Variants in FGF19 observed in about 807,000 individuals in gnomAD.
FGF19 encodes the protein FGF-19.
Under a neutral mutation model 8.9 loss-of-function variants are expected in FGF19, and 5 were observed. The ratio of observed to expected loss-of-function variants is 0.56; its 90% confidence interval spans 0.29 to 1.18. The LOEUF is 1.18. Ranked by LOEUF, FGF19 falls within the 50% of genes most tolerant of loss-of-function variation. The pLI is 0.08. For synonymous variants in FGF19, 124 were observed against 128.0 expected (o/e 0.97, Z 0.21); for missense variants, 237 against 293.9 (o/e 0.81, Z 1.42).
Position 69,703,279 on chromosome 11 carries a change from G to A in FGF19, c.318C>T (p.Asp106=). 6.2e-7 allele frequency: 1 copy of A among 1,604,134 alleles called. No individual in the cohort carries two copies. The highest frequency in any genetic ancestry group is 8.5e-7 in the Non-Finnish European group (1 of 1,175,810). Residue 106 remains aspartate, a synonymous_variant, in exon 2 of 3, where the codon GAC becomes GAT. Transcript: ENST00000294312. The surrounding 1 kb of genome is among the most constrained non-coding windows in gnomAD (Gnocchi z 6.8). The stretch of plus-strand genomic sequence containing the variant: ...CACTTACCAGCCCCTGCATCTTGCC[G>A]TCGGCGCCCATGCAGAGGTACCGCA... The part of the protein sequence containing the change: ...HSVRYLCMGA[D]GKMQGLLQYS...
chr11:69,701,350 C>T (rs1190714324), intron 2 of FGF19, among the ~76,000 whole-genome samples: 2 of 152,128 alleles, frequency 1.3e-5, no homozygotes, highest in Non-Finnish European at 2.9e-5. Context: ...GCCTGTAATC[C>T]CAGCACTTTG....
intron 2 of FGF19, among the ~76,000 whole-genome samples, chr11:69,701,288 T>C (rs1239103782): frequency 1.3e-5 from 2 of 152,230 alleles, no homozygotes; most frequent in Non-Finnish European, 2.9e-5. Flanking sequence ...TTCAAGTTTC[T>C]AGAAGAATGT....
Position 69,699,296 on chromosome 11 carries a change from A to AG in FGF19, c.616dup (p.Leu206ProfsTer10), listed in dbSNP as rs1463995127. 14 of 1,613,850 alleles carry AG rather than the reference A, an allele frequency of 8.7e-6. No individual in the cohort carries two copies. Among genetic ancestry groups the AG allele is most frequent in the Non-Finnish European group, 1.1e-5 (13 of 1,179,794 alleles). Reference sequence around the variant, plus strand: ...AAAGCTGGGACTCCTCACGGCCTCCAGTCCGGTGACAAGCCCAAATGGGTC... The same window carrying AG: ...AAAGCTGGGACTCCTCACGGCCTCCAGGTCCGGTGACAAGCCCAAATGGGTC... On this transcript the variant is annotated frameshift_variant, in exon 3 of 3. Transcript: ENST00000294312. LOFTEE classifies it high-confidence loss of function.
Position 69,703,552 on chromosome 11 carries a change from G to A in FGF19, c.232+93C>T. ...GTTGAGGGGTCCGCAGGAGCCTAAGGGTGGCAAAGGAAGGAAGGGCGCTGG... is the reference window on the plus strand; with the variant it reads ...GTTGAGGGGTCCGCAGGAGCCTAAGAGTGGCAAAGGAAGGAAGGGCGCTGG... On this transcript the variant is annotated intron_variant, in intron 1 of 2. Transcript: ENST00000294312. The surrounding 1 kb of genome is among the most constrained non-coding windows in gnomAD (Gnocchi z 6.8). 1 of 786,430 alleles carries A rather than the reference G, an allele frequency of 1.3e-6. No homozygotes were observed. Among genetic ancestry groups the A allele is most frequent in the Non-Finnish European group, 1.7e-6 (1 of 572,274 alleles). The allele number at this position is 786,430 out of a possible 1,614,324, so 48.7% of individuals were successfully genotyped here.
chr11:69,700,266 T>C (rs1014888235), intron 2 of FGF19, among the ~76,000 whole-genome samples: 2 of 152,088 alleles, frequency 1.3e-5, no homozygotes, highest in African/African-American at 2.4e-5. Context: ...TATATAGATA[T>C]ACATGCACAC....
rs748111834 is a variant in FGF19 at position 69,698,837 on chromosome 11, TCA to T, written c.*423_*424del. The T allele has an allele frequency of 3.3e-5, 8 of 240,970 alleles. No homozygotes were observed. The highest frequency in any genetic ancestry group is 4.9e-5 in the Non-Finnish European group (6 of 121,520). 14.9% of individuals were successfully genotyped at this position (240,970 alleles called of 1,614,324 possible). On this transcript the variant is annotated 3_prime_UTR_variant, in exon 3 of 3. Coordinates refer to ENST00000294312, the MANE Select transcript of FGF19 (RefSeq NM_005117.3). ...TTTACCTGCTGTTTTACAGAGTGGA[TCA>T]CCTGTTCCTGAAATTAAAACTACTG...
rs1387338024 is a variant in FGF19 at position 69,702,746 on chromosome 11, T to TAA, written c.336+513_336+514dup. ...CTCCTGGTAGATTAAAAATTAATTC[T>TAA]AAAAAAAAAATCTCTCCTATCCCAA... On this transcript the variant is annotated intron_variant, in intron 2 of 2. Transcript: ENST00000294312. The surrounding 1 kb of genome is among the most constrained non-coding windows in gnomAD (Gnocchi z 4.6). 6.6e-6 allele frequency among the ~76,000 whole-genome samples: 1 copy of TAA among 150,548 alleles called. No homozygotes were observed. Among genetic ancestry groups the TAA allele is most frequent in the Non-Finnish European group, 1.5e-5 (1 of 67,494 alleles).
rs1662580591 is a variant in FGF19 at position 69,699,346 on chromosome 11, A to G, written c.567T>C (p.Ser189=). The part of the protein sequence containing the change: ...LRGHLESDMF[S]SPLETDSMDP... Reference sequence around the variant, plus strand: ...CCATGCTGTCGGTCTCCAGGGGCGAAGAGAACATGTCAGATTCCAAGTGGC... The same window carrying G: ...CCATGCTGTCGGTCTCCAGGGGCGAGGAGAACATGTCAGATTCCAAGTGGC... The change falls in exon 3 of 3, where the codon TCT becomes TCC. Residue 189 remains serine, a synonymous_variant. Coordinates refer to ENST00000294312, the MANE Select transcript of FGF19 (RefSeq NM_005117.3). 2 of 1,614,030 alleles carry G rather than the reference A, an allele frequency of 1.2e-6. No homozygotes were observed. The highest frequency in any genetic ancestry group is 1.3e-5 in the African/African-American group (1 of 74,916).
rs138132534 is a variant in FGF19 at position 69,699,288 on chromosome 11, C to T, written c.625G>A (p.Val209Met). The stretch of plus-strand genomic sequence containing the variant: ...TACTTCTCAAAGCTGGGACTCCTCA[C>T]GGCCTCCAGTCCGGTGACAAGCCCA... ...PFGLVTGLEA[V>M]RSPSFEK Residue 209 changes from valine (V) to methionine (M), a missense_variant, in exon 3 of 3, where the codon GTG becomes ATG. Transcript: ENST00000294312. 4.5e-5 allele frequency: 72 copies of T among 1,612,700 alleles called. No individual in the cohort carries two copies. Among genetic ancestry groups the T allele is most frequent in the African/African-American group, 3.9e-4 (29 of 74,858 alleles).
Position 69,703,168 on chromosome 11 carries a change from A to T in FGF19, c.336+93T>A. ...GGCGGAGGAGGCGAGGAAACCCTGG[A>T]TTCGAACCAGCGCCTTTCTCTCCTT... On this transcript the variant is annotated intron_variant, in intron 2 of 2. Coordinates refer to ENST00000294312, the MANE Select transcript of FGF19 (RefSeq NM_005117.3). The surrounding 1 kb of genome is among the most constrained non-coding windows in gnomAD (Gnocchi z 6.8). The T allele has an allele frequency of 3.6e-6, 3 of 835,200 alleles. No individual in the cohort carries two copies. Among genetic ancestry groups the T allele is most frequent in the East Asian group, 5.6e-5 (2 of 35,656 alleles). The allele number at this position is 835,200 out of a possible 1,614,324, so 51.7% of individuals were successfully genotyped here. A position where few individuals can be genotyped will look rare whatever the true frequency, so the allele number is the denominator to read the frequency against.
intron 2 of FGF19, among the ~76,000 whole-genome samples, chr11:69,701,863 G>C (rs1314463743): frequency 4.7e-5 from 7 of 150,074 alleles, no homozygotes; most frequent in Admixed American, 3.3e-4. Context: ...AGCTCCATGG[G>C]AGGCTGAGGT....
chr11:69,703,201 C>G lies in FGF19; in HGVS notation c.336+60G>C, dbSNP rs1854795760. On this transcript the variant is annotated intron_variant, in intron 2 of 2. Transcript: ENST00000294312. The surrounding 1 kb of genome is among the most constrained non-coding windows in gnomAD (Gnocchi z 6.8). Reference sequence around the variant, plus strand: ...CAGCGCCTTTCTCTCCTTCAGGCCTCCGCCCGGGGACAGGCGCCGGTCCCC... The same window carrying G: ...CAGCGCCTTTCTCTCCTTCAGGCCTGCGCCCGGGGACAGGCGCCGGTCCCC... The G allele has an allele frequency of 5.2e-5, 65 of 1,252,690 alleles. 2 individuals carry two copies. The South Asian group carries it at 8.7e-4, about 17-fold the overall frequency. 77.6% of individuals were successfully genotyped at this position (1,252,690 alleles called of 1,614,324 possible).
In FGF19 at chr11:69,699,065, A is replaced by C. The variant is rs1412578081; in HGVS notation, c.*197T>G. The C allele has an allele frequency of 1.7e-6, 1 of 577,026 alleles. No individual in the cohort carries two copies. The highest frequency in any genetic ancestry group is 3.1e-6 in the Non-Finnish European group (1 of 326,696). The allele number at this position is 577,026 out of a possible 1,614,324, so 35.7% of individuals were successfully genotyped here. ...GCAGCTGGGCAAGCTACAGGCTTAC[A>C]ATGTTATGATCAGACAAGTCTATTG... On this transcript the variant is annotated 3_prime_UTR_variant, in exon 3 of 3. Transcript: ENST00000294312.
In FGF19 at chr11:69,703,900, G is replaced by A; in HGVS notation, c.-24C>T. The A allele has an allele frequency of 8.1e-7, 1 of 1,235,332 alleles. No individual in the cohort carries two copies. Among genetic ancestry groups the A allele is most frequent in the Non-Finnish European group, 1.0e-6 (1 of 986,032 alleles). 76.5% of individuals were successfully genotyped at this position (1,235,332 alleles called of 1,614,324 possible). Reference sequence around the variant, plus strand: ...ATGGCACCTCCCTGGGGCTCTCGGCGCAGCTCCGGCGATGGGGGTGCGGGA... The same window carrying A: ...ATGGCACCTCCCTGGGGCTCTCGGCACAGCTCCGGCGATGGGGGTGCGGGA... On this transcript the variant is annotated 5_prime_UTR_variant, in exon 1 of 3. Transcript: ENST00000294312. The surrounding 1 kb of genome is among the most constrained non-coding windows in gnomAD (Gnocchi z 6.8).
At chr11:69,701,343 T>C (rs111330693) in intron 2 of FGF19, among the ~76,000 whole-genome samples, 3,343 of 152,260 alleles carry the variant, frequency 0.022, 119 homozygotes, top group African/African-American at 0.077. Flanking sequence ...GGCTCATGCC[T>C]GTAATCCCAG....
chr11:69,698,854 T>C lies in FGF19; in HGVS notation c.*408A>G. Reference sequence around the variant, plus strand: ...AGAGTGGATCACCTGTTCCTGAAATTAAAACTACTGCCTGTCTTCTGGCTG... The same window carrying C: ...AGAGTGGATCACCTGTTCCTGAAATCAAAACTACTGCCTGTCTTCTGGCTG... On this transcript the variant is annotated 3_prime_UTR_variant, in exon 3 of 3. Coordinates refer to ENST00000294312, the MANE Select transcript of FGF19 (RefSeq NM_005117.3). The C allele has an allele frequency of 4.1e-6, 1 of 243,630 alleles. No homozygotes were observed. The highest frequency in any genetic ancestry group is 1.0e-4 in the South Asian group (1 of 9,622). The allele number at this position is 243,630 out of a possible 1,614,324, so 15.1% of individuals were successfully genotyped here.
intron 2 of FGF19, 87 bp from the exon 3 acceptor site, chr11:69,699,663 G>C: frequency 9.4e-7 from 1 of 1,068,416 alleles, no homozygotes; most frequent in South Asian, 1.6e-5. Flanking sequence ...GACTGTCCCT[G>C]GTGGCCACCA....
At chr11:69,700,573 G>A (rs1036446374) in intron 2 of FGF19, among the ~76,000 whole-genome samples, 3 of 152,206 alleles carry the variant, frequency 2.0e-5, no homozygotes, top group Non-Finnish European at 2.9e-5. Flanking sequence ...AATAAATTGC[G>A]TGTGATCCGA....
Position 69,703,123 on chromosome 11 carries a change from C to T in FGF19, c.336+138G>A, listed in dbSNP as rs1295938245. 10 of 559,382 alleles carry T rather than the reference C, an allele frequency of 1.8e-5. No individual in the cohort carries two copies. Among genetic ancestry groups the T allele is most frequent in the Middle Eastern group, 9.5e-4 (2 of 2,106 alleles). The allele number at this position is 559,382 out of a possible 1,614,324, so 34.7% of individuals were successfully genotyped here. On this transcript the variant is annotated intron_variant, in intron 2 of 2. Transcript: ENST00000294312. This position sits in a 1 kb window ranked among gnomAD's most constrained non-coding sequence, Gnocchi z 6.8. ...TAATCGGTCTTTGCAATCTTTCCCT[C>T]GAAGTTGCACGCGGGTCTGGGCGGA... is the stretch of plus-strand genomic sequence containing the variant.
Sources: allele counts gnomAD v4.1 joint callset (sites outside exome capture counted in the v4.1 genomes callset), GRCh38; gene constraint gnomAD v4.1.1; non-coding constraint Gnocchi (gnomAD v3.1); transcripts MANE v1.5; gene names NCBI Gene and HGNC (gene_info 2026-07-23, HGNC 2026-07-21).